OMA1: variants seen among roughly 807,000 people sequenced by gnomAD.
The protein encoded by OMA1 is OMA1 zinc metallopeptidase.
OMA1 carries 38 observed loss-of-function variants against 30.9 expected under a neutral mutation model. The observed-to-expected ratio is 1.23, with a 90% CI of 0.95 to 1.61. The LOEUF is 1.61. Ranked by LOEUF, OMA1 falls within the 40% of genes most tolerant of loss-of-function variation. The pLI, the probability that OMA1 is intolerant of heterozygous loss-of-function variation, is 0.00. For synonymous variants in OMA1, 173 were observed against 121.9 expected, an observed-to-expected ratio of 1.42 and a Z score of -2.76; for missense variants, 461 against 349.2, an observed-to-expected ratio of 1.32 and a Z score of -2.55.
At chr1:58,534,468 T>C (rs1417343473) in intron 3 of OMA1, 137 bp from the exon 4 acceptor site, 1 of 526,518 alleles carries the variant, frequency 1.9e-6, no homozygotes, top group Non-Finnish European at 3.3e-6. Context: ...TATTAAGCAC[T>C]GAAATTTCTC....
At chr1:58,545,973 G>A (rs1303533570) in intron 1 of OMA1, among the ~76,000 whole-genome samples, 1 of 152,176 alleles carries the variant, frequency 6.6e-6, no homozygotes, top group East Asian at 1.9e-4. Flanking sequence ...CTTTTAGCGA[G>A]GGTTGCACGA....
At chr1:58,516,103 C>T (rs1167769762) in intron 7 of OMA1, among the ~76,000 whole-genome samples, 2 of 152,140 alleles carry the variant, frequency 1.3e-5, no homozygotes, top group African/African-American at 4.8e-5. Flanking sequence ...GAGTGCTTTC[C>T]AGGCCACTAT....
intron 2 of OMA1, among the ~76,000 whole-genome samples, chr1:58,538,110 A>G (rs1307411254): frequency 6.6e-6 from 1 of 152,226 alleles, no homozygotes. Flanking sequence ...TGTGGTAGTA[A>G]GAAGGCTAGA....
intron 1 of OMA1, among the ~76,000 whole-genome samples, chr1:58,542,093 A>C (rs945840039): frequency 3.9e-5 from 6 of 152,258 alleles, no homozygotes; most frequent in African/African-American, 1.4e-4. Flanking sequence ...TAATTCATAC[A>C]TCCTGCCCTT....
rs544162374 is a variant in OMA1, at chr1:58,527,200, C to T, written c.1215+61G>A. On this transcript the variant is annotated intron_variant, in intron 7 of 8. Coordinates refer to ENST00000371226, the MANE Select transcript of OMA1 (RefSeq NM_145243.5). Reference sequence around the variant, plus strand: ...CTTATGCCAAGCCTCATTAAAATAACACACGTTTATCTTTCAGCCTGGGAA... The same window carrying T: ...CTTATGCCAAGCCTCATTAAAATAATACACGTTTATCTTTCAGCCTGGGAA... The T allele has an allele frequency of 1.7e-5, 14 of 834,428 alleles. No individual in the cohort carries two copies. The Admixed American group carries it at 1.9e-4, about 11-fold the overall frequency. 51.7% of individuals were successfully genotyped at this position (834,428 alleles called of 1,614,324 possible).
At chr1:58,499,569 G>A (rs1179800497) in intron 8 of OMA1, among the ~76,000 whole-genome samples, 1 of 151,512 alleles carries the variant, frequency 6.6e-6, no homozygotes, top group Admixed American at 6.6e-5. Flanking sequence ...GTAGCTTCTG[G>A]AGATCTACTA....
chr1:58,488,708 C>T (rs1645619943), intron 8 of OMA1, among the ~76,000 whole-genome samples: 1 of 152,178 alleles, frequency 6.6e-6, no homozygotes, highest in Admixed American at 6.5e-5. Context: ...CCTCGGCCTC[C>T]AAAAGTGCTG....
rs1215880171 is a variant in OMA1, at chr1:58,518,588, G to A, written c.1215+8673C>T. 2.0e-5 allele frequency among the ~76,000 whole-genome samples: 3 copies of A among 151,692 alleles called. No individual in the cohort carries two copies. The East Asian group carries it at 5.9e-4, about 30-fold the overall frequency. On this transcript the variant is annotated intron_variant, in intron 7 of 8. Coordinates refer to ENST00000371226, the MANE Select transcript of OMA1 (RefSeq NM_145243.5). ...TTTATAGATAGAACTGCCAGGACTT[G>A]GTGAAAAAATTAAGAGTAAATGATA...
At chr1:58,513,904 C>T (rs1646120311) in intron 7 of OMA1, among the ~76,000 whole-genome samples, 1 of 152,112 alleles carries the variant, frequency 6.6e-6, no homozygotes, top group African/African-American at 2.4e-5. Flanking sequence ...GTGACAGAGC[C>T]ATAATTTGAA....
At chr1:58,520,636 T>C (rs1167647731) in intron 7 of OMA1, among the ~76,000 whole-genome samples, 1 of 152,068 alleles carries the variant, frequency 6.6e-6, no homozygotes, top group Admixed American at 6.5e-5. Context: ...AGATTTACCA[T>C]GCAAGCACTA....
At chr1:58,543,006 G>A (rs1489107690) in intron 1 of OMA1, among the ~76,000 whole-genome samples, 1 of 151,896 alleles carries the variant, frequency 6.6e-6, no homozygotes, top group Admixed American at 6.6e-5. Context: ...AAAAAAAGTG[G>A]ATCCACAGAA....
chr1:58,483,950 G>A (rs1645532355), intron 8 of OMA1, among the ~76,000 whole-genome samples: 1 of 152,226 alleles, frequency 6.6e-6, no homozygotes, highest in Non-Finnish European at 1.5e-5. Context: ...GGAGAGTATG[G>A]AGTCCAGCAG....
At chr1:58,517,999 C>G (rs2100443198) in intron 7 of OMA1, among the ~76,000 whole-genome samples, 1 of 151,330 alleles carries the variant, frequency 6.6e-6, no homozygotes, top group Admixed American at 6.6e-5. Context: ...CCAGCCTGCC[C>G]AACATGGAGA....
At chr1:58,522,492 C>A (rs1233718837) in intron 7 of OMA1, among the ~76,000 whole-genome samples, 2 of 152,100 alleles carry the variant, frequency 1.3e-5, no homozygotes, top group Non-Finnish European at 2.9e-5. Flanking sequence ...TGCTTTCTTG[C>A]CCCTAAGATC....
At chr1:58,520,592 A>G (rs1429971337) in intron 7 of OMA1, among the ~76,000 whole-genome samples, 2 of 152,204 alleles carry the variant, frequency 1.3e-5, no homozygotes, top group Non-Finnish European at 2.9e-5. Flanking sequence ...CTACACACAC[A>G]AGAACACAGG....
chr1:58,520,774 A>C (rs1277833755), intron 7 of OMA1, among the ~76,000 whole-genome samples: 1 of 152,188 alleles, frequency 6.6e-6, no homozygotes, highest in Non-Finnish European at 1.5e-5. Context: ...CAATCTAACA[A>C]GTATGTATAT....
At chr1:58,488,155 T>A (rs1645609547) in intron 8 of OMA1, among the ~76,000 whole-genome samples, 1 of 152,184 alleles carries the variant, frequency 6.6e-6, no homozygotes, top group Non-Finnish European at 1.5e-5. Flanking sequence ...TATAACTACA[T>A]CATTATAAAG....
chr1:58,543,618 T>C (rs1347647099), intron 1 of OMA1, among the ~76,000 whole-genome samples: 1 of 152,116 alleles, frequency 6.6e-6, no homozygotes, highest in Admixed American at 6.5e-5. Context: ...GGCAACAGAA[T>C]CCTACCCCGA....
chr1:58,525,018 TTAATTC>T (rs1646327853), intron 7 of OMA1, among the ~76,000 whole-genome samples: 1 of 152,166 alleles, frequency 6.6e-6, no homozygotes, highest in Non-Finnish European at 1.5e-5. Context: ...GGTACCACAG[TTAATTC>T]TATGCAGTTA....
Sources: allele counts gnomAD v4.1 joint callset (sites outside exome capture counted in the v4.1 genomes callset), GRCh38; gene constraint gnomAD v4.1.1; transcripts MANE v1.5; gene names NCBI Gene and HGNC (gene_info 2026-07-23, HGNC 2026-07-21).